Variants in TTLL5 observed in about 807,000 individuals in gnomAD.
TTLL5 encodes tubulin tyrosine ligase like 5, also known as tubulin polyglutamylase TTLL5.
A neutral mutation model predicts 168.4 loss-of-function variants in TTLL5; 132 were observed. The ratio of observed to expected loss-of-function variants is 0.78; its 90% CI spans 0.68 to 0.91. The LOEUF (loss-of-function observed/expected upper bound fraction) is 0.91. Among genes scored for constraint, TTLL5 ranks in the 40% least tolerant of loss-of-function variants. The pLI is 0.00. For missense variants in TTLL5, 1,545 were observed against 1,581.5 expected (o/e 0.98, Z 0.39); for synonymous variants, 546 against 558.6 (o/e 0.98, Z 0.32).
intron 30 of TTLL5, among the ~76,000 whole-genome samples, chr14:75,892,878 T>C (rs1198938068): frequency 6.6e-6 from 1 of 152,162 alleles, no homozygotes; most frequent in Non-Finnish European, 1.5e-5. Flanking sequence ...AATGCCACCA[T>C]AATGCCTGGT....
At chr14:75,898,313 G>A (rs1258981229) in intron 30 of TTLL5, among the ~76,000 whole-genome samples, 1 of 152,124 alleles carries the variant, frequency 6.6e-6, no homozygotes, top group African/African-American at 2.4e-5. Context: ...TTATAGCAAG[G>A]GCATCCCACT....
chr14:75,894,933 T>C (rs1174790064), intron 30 of TTLL5, among the ~76,000 whole-genome samples: 7 of 152,102 alleles, frequency 4.6e-5, no homozygotes, highest in Non-Finnish European at 1.0e-4. Flanking sequence ...GCTGACAAAA[T>C]TATAAGGAGA....
At chr14:75,757,515 CT>C (rs1251917992) in intron 18 of TTLL5, among the ~76,000 whole-genome samples, 1 of 152,184 alleles carries the variant, frequency 6.6e-6, no homozygotes, top group African/African-American at 2.4e-5. Context: ...AATTAACAAC[CT>C]TCTTCACATG....
rs1167355301 is a variant in TTLL5, at chr14:75,773,969, G to GAA, written c.2137-1514_2137-1513insAA. Among the ~76,000 whole-genome samples, 261 of 126,142 alleles carry GAA rather than the reference G, an allele frequency of 2.1e-3. 7 individuals are homozygous for GAA. The highest frequency in any genetic ancestry group is 8.2e-3 in the African/African-American group (228 of 27,954). The allele number at this position is 126,142 out of a possible 152,430, so 82.8% of individuals were successfully genotyped here. On this transcript the variant is annotated intron_variant, in intron 21 of 31. Coordinates refer to ENST00000298832, the MANE Select transcript of TTLL5 (RefSeq NM_015072.5). ...AGAGAGAGAGAGAAAGAGAGAGAGAGAGAGAGAGAGAGAGAGAGAGAGAGA... is the reference window on the plus strand; with the variant it reads ...AGAGAGAGAGAGAAAGAGAGAGAGAGAAAGAGAGAGAGAGAGAGAGAGAGAGA...
rs1231683891 is a variant in TTLL5 at position 75,812,686 on chromosome 14, T to C, written c.3172-7321T>C. Among the ~76,000 whole-genome samples, 2 of 152,210 alleles carry C rather than the reference T, an allele frequency of 1.3e-5. 1 individual carries two copies. The highest frequency in any genetic ancestry group is 4.8e-5 in the African/African-American group (2 of 41,448). On this transcript the variant is annotated intron_variant, in intron 27 of 31. Transcript: ENST00000298832. ...CCATCAAAGGCATTTCTGCTGTTTT[T>C]TGGAAAATCCCCTGCCCGTGAGCTT...
chr14:75,841,536 G>A (rs974156538), intron 28 of TTLL5, among the ~76,000 whole-genome samples: 4 of 151,994 alleles, frequency 2.6e-5, no homozygotes, highest in African/African-American at 7.2e-5. Flanking sequence ...GACTTTCTGG[G>A]TGATTCCCTT....
chr14:75,760,599 C>T (rs141100453), intron 18 of TTLL5, among the ~76,000 whole-genome samples: 1 of 152,054 alleles, frequency 6.6e-6, no homozygotes, highest in African/African-American at 2.4e-5. Context: ...AAGATATTGG[C>T]AAACTGATCA....
intron 28 of TTLL5, among the ~76,000 whole-genome samples, chr14:75,841,694 A>G (rs1896261712): frequency 6.6e-6 from 1 of 152,070 alleles, no homozygotes; most frequent in Non-Finnish European, 1.5e-5. Flanking sequence ...CTACATATTT[A>G]CTTTTTTTTA....
intron 9 of TTLL5, chr14:75,711,771 C>T: frequency 6.6e-6 from 1 of 152,310 alleles, no homozygotes; most frequent in East Asian, 1.9e-4. Context: ...CCCTTTCTCC[C>T]CACCCCCAGT....
Position 75,675,262 on chromosome 14 carries a change from A to G in TTLL5, c.181+5740A>G, listed in dbSNP as rs191823465. On this transcript the variant is annotated intron_variant, in intron 3 of 31. Transcript: ENST00000298832. ...TCTGATACTAGGGCACAGCTACACTATGTTGCCATTAAAGGAGTTATTTTT... is the reference window on the plus strand; with the variant it reads ...TCTGATACTAGGGCACAGCTACACTGTGTTGCCATTAAAGGAGTTATTTTT... Among the ~76,000 whole-genome samples the G allele has an allele frequency of 3.2e-4, 49 of 152,342 alleles. No homozygotes were observed. In the East Asian group the frequency reaches 9.2e-3, roughly 29 times the overall value.
intron 31 of TTLL5, among the ~76,000 whole-genome samples, chr14:75,929,447 C>CTTTTTTTT: frequency 8.3e-6 from 1 of 120,854 alleles, no homozygotes; most frequent in Non-Finnish European, 1.6e-5. Flanking sequence ...ATAAAGATAC[C>CTTTTTTTT]TTTTTTTTTT....
At chr14:75,848,449 G>A (rs1489779918) in intron 28 of TTLL5, among the ~76,000 whole-genome samples, 4 of 152,020 alleles carry the variant, frequency 2.6e-5, no homozygotes, top group Non-Finnish European at 5.9e-5. Context: ...TACAATAAGG[G>A]CCAGCTGTGC....
chr14:75,849,722 G>T (rs110480), intron 28 of TTLL5, among the ~76,000 whole-genome samples: 136,198 of 152,282 alleles, frequency 0.89, 61,062 homozygotes, highest in African/African-American at 0.94. Context: ...ACAAAGGAAT[G>T]ACTGTAACTA....
chr14:75,742,762 CAAT>C (rs1413372339), intron 15 of TTLL5, among the ~76,000 whole-genome samples: 3 of 152,260 alleles, frequency 2.0e-5, no homozygotes, highest in Non-Finnish European at 2.9e-5. Context: ...TTTTGGCAAA[CAAT>C]AAGTAGTGTG....
At chr14:75,863,911 T>TAAAAAAAAAAAACAAAAAAAAAAAAAAAA (rs2030252893) in intron 29 of TTLL5, 49 bp downstream of exon 29, 1 of 86,234 alleles carries the variant, frequency 1.2e-5, no homozygotes, top group Non-Finnish European at 1.7e-5. Flanking sequence ...CTGCTGTTGG[T>TAAAAAAAAAAAACAAAAAAAAAAAAAAAA]AAAAAAAAAA....
At chr14:75,708,664 C>A (rs1440752824) in intron 9 of TTLL5, among the ~76,000 whole-genome samples, 1 of 152,098 alleles carries the variant, frequency 6.6e-6, no homozygotes. Flanking sequence ...ATGTGACTTA[C>A]AAGATTAAGT....
In TTLL5 at chr14:75,817,830, CTTTTTTTTTTTTTT is replaced by C. The variant is rs1045988787; in HGVS notation, c.3172-2165_3172-2152del. Reference sequence around the variant, plus strand: ...ACCATTCTTTCTTTTCTTTTCTTTTCTTTTTTTTTTTTTTTTTTTTTTTTTGAGACGGAGTCTCA... The same window carrying C: ...ACCATTCTTTCTTTTCTTTTCTTTTCTTTTTTTTTTTGAGACGGAGTCTCA... On this transcript the variant is annotated intron_variant, in intron 27 of 31. Transcript: ENST00000298832. Among the ~76,000 whole-genome samples the C allele has an allele frequency of 3.6e-5, 3 of 83,860 alleles. No homozygotes were observed. In the East Asian group the frequency reaches 1.0e-3, roughly 29 times the overall value. The allele number at this position is 83,860 out of a possible 152,430, so 55.0% of individuals were successfully genotyped here.
At chr14:75,713,486 T>A (rs961585519) in intron 9 of TTLL5, among the ~76,000 whole-genome samples, 2 of 152,206 alleles carry the variant, frequency 1.3e-5, no homozygotes, top group Non-Finnish European at 2.9e-5. Context: ...TCAGAGCATA[T>A]CCCCATTGTT....
intron 31 of TTLL5, among the ~76,000 whole-genome samples, chr14:75,921,430 G>A (rs1386477092): frequency 6.6e-6 from 1 of 152,176 alleles, no homozygotes; most frequent in African/African-American, 2.4e-5. Context: ...TCCAATTTCA[G>A]CTTTCTTCAT....
Sources: gnomAD v4.1 joint callset for allele counts (sites outside exome capture counted in the v4.1 genomes callset) on GRCh38, gnomAD v4.1.1 for gene constraint, MANE v1.5 for transcripts, NCBI Gene and HGNC (gene_info 2026-07-23, HGNC 2026-07-21) for gene names.